Variants in CCDC77 observed in about 807,000 individuals in gnomAD.
CCDC77 encodes coiled-coil domain-containing protein 77.
Under a neutral mutation model 66.8 loss-of-function variants are expected in CCDC77, and 56 were observed. That is an observed-to-expected ratio of 0.84 (90% confidence interval 0.68 to 1.05). The LOEUF is 1.05. CCDC77 is among the 50% of genes least tolerant of loss of function. The pLI is 0.00. For synonymous variants in CCDC77, 196 were observed against 195.2 expected (o/e 1.00, Z -0.03); for missense variants, 570 against 576.8 (o/e 0.99, Z 0.12).
At chr12:410,392 C>T (rs1233323937) in intron 3 of CCDC77, among the ~76,000 whole-genome samples, 3 of 149,138 alleles carry the variant, frequency 2.0e-5, no homozygotes, top group Admixed American at 6.7e-5. Flanking sequence ...CTCAGCCTCC[C>T]GAGTAGCTGG....
intron 10 of CCDC77, among the ~76,000 whole-genome samples, chr12:439,268 C>T (rs1226180887): frequency 6.6e-6 from 1 of 151,950 alleles, no homozygotes; most frequent in Admixed American, 6.6e-5. Flanking sequence ...ACCTGTAATC[C>T]CAGCACTTTG....
chr12:394,078 T>C (rs915911034), intron 1 of CCDC77, among the ~76,000 whole-genome samples: 37 of 152,180 alleles, frequency 2.4e-4, no homozygotes, highest in Admixed American at 9.2e-4. Flanking sequence ...AGCTCAAATT[T>C]TATTATTGCC....
upstream of CCDC77, among the ~76,000 whole-genome samples, chr12:398,125 T>C (rs200058754): frequency 6.6e-6 from 1 of 152,208 alleles, no homozygotes; most frequent in East Asian, 1.9e-4. Flanking sequence ...GTTTTCATTC[T>C]TCCTTTCATG....
At chr12:409,032 T>C (rs1291909592) in intron 2 of CCDC77, among the ~76,000 whole-genome samples, 1 of 151,886 alleles carries the variant, frequency 6.6e-6, no homozygotes, top group East Asian at 1.9e-4. Context: ...GGTGAAACCC[T>C]GTCTCTACTA....
At chr12:435,451 C>A (rs1385713618) in intron 9 of CCDC77, among the ~76,000 whole-genome samples, 1 of 152,200 alleles carries the variant, frequency 6.6e-6, no homozygotes, top group Non-Finnish European at 1.5e-5. Context: ...TTTCTTATTC[C>A]TTAATTCCAA....
intron 1 of CCDC77, among the ~76,000 whole-genome samples, chr12:395,894 A>AAAAT (rs1424324209): frequency 6.6e-6 from 1 of 151,616 alleles, no homozygotes; most frequent in Non-Finnish European, 1.5e-5. Context: ...ACTCTGTCTC[A>AAAAT]AAATAAATAA....
intron 10 of CCDC77, among the ~76,000 whole-genome samples, chr12:438,912 C>CAA (rs746794691): frequency 0.019 from 2,024 of 106,398 alleles, 51 homozygotes; most frequent in African/African-American, 0.056. Flanking sequence ...ACTAAAAATA[C>CAA]AAAAAAAAAA....
chr12:390,268 A>C (rs529078569), intron 1 of CCDC77: 2 of 152,196 alleles, frequency 1.3e-5, no homozygotes, highest in Non-Finnish European at 2.9e-5. Context: ...CTCCTCTCAA[A>C]TCCCTCTCCA....
chr12:437,674 A>G (rs1860361), intron 9 of CCDC77, among the ~76,000 whole-genome samples: 78,754 of 151,282 alleles, frequency 0.52, 20,795 homozygotes, highest in African/African-American at 0.62. Context: ...GCAAGACCCC[A>G]TCTCCACACA....
intron 9 of CCDC77, chr12:436,896 A>T: frequency 3.9e-6 from 1 of 259,514 alleles, no homozygotes; most frequent in Non-Finnish European, 6.0e-6. Context: ...TTGAGAAGAT[A>T]ATGTAAGACA....
At chr12:402,458 T>A (rs1009973624) in intron 1 of CCDC77, among the ~76,000 whole-genome samples, 2 of 152,190 alleles carry the variant, frequency 1.3e-5, no homozygotes, top group Non-Finnish European at 2.9e-5. Context: ...AGACTAGATT[T>A]TGTTAAGTGA....
intron 4 of CCDC77, among the ~76,000 whole-genome samples, chr12:413,262 C>T (rs893125862): frequency 1.5e-5 from 2 of 130,634 alleles, no homozygotes; most frequent in African/African-American, 2.9e-5. Flanking sequence ...TTTGAGACAG[C>T]GTCTTACTCT....
chr12:400,518 C>A (rs1191549054), upstream of CCDC77, among the ~76,000 whole-genome samples: 1 of 152,086 alleles, frequency 6.6e-6, no homozygotes, highest in Non-Finnish European at 1.5e-5. Context: ...TTCACTTGAA[C>A]CCCCACTGTA....
In CCDC77 at chr12:440,734, A is replaced by C; in HGVS notation, c.1159A>C (p.Ile387Leu). Reference protein sequence around the residue: ...IREEEGMRREIFKDRTNKMGK... With the variant: ...IREEEGMRRELFKDRTNKMGK... ...TGAGGAAGAGGGAATGAGGAGAGAG[A>C]TCTTCAAGGTACGAAATTATCTGCC... Residue 387 changes from isoleucine (I) to leucine (L), a missense_variant, in exon 11 of 13, where the codon ATC (isoleucine) becomes CTC (leucine). By Grantham distance (5) the Ile-to-Leu change is conservative (BLOSUM62 2). Transcript: ENST00000239830. 1 of 1,614,076 alleles carries C rather than the reference A, an allele frequency of 6.2e-7. No homozygotes were observed. The highest frequency in any genetic ancestry group is 1.1e-5 in the South Asian group (1 of 91,088).
At position 415,405 on chromosome 12, in the gene CCDC77, AAT is replaced by A. The variant is rs1377095823; in HGVS notation, c.271-3086_271-3085del. Reference sequence around the variant, plus strand: ...AATATTATGTTAATATAATCAACATAATATGTTGATATTATTAACATAATTAA... The same window carrying A: ...AATATTATGTTAATATAATCAACATAATGTTGATATTATTAACATAATTAA... On this transcript the variant is annotated intron_variant, in intron 4 of 12. Transcript: ENST00000239830. Among the ~76,000 whole-genome samples the A allele has an allele frequency of 1.6e-4, 12 of 73,048 alleles. 4 individuals are homozygous for A. Among genetic ancestry groups the A allele is most frequent in the Admixed American group, 9.5e-4 (7 of 7,362 alleles). The allele number at this position is 73,048 out of a possible 152,430, so 47.9% of individuals were successfully genotyped here.
intron 5 of CCDC77, among the ~76,000 whole-genome samples, chr12:426,774 C>T (rs1042691863): frequency 6.6e-6 from 1 of 152,152 alleles, no homozygotes; most frequent in Non-Finnish European, 1.5e-5. Flanking sequence ...TCGGTGTCAG[C>T]TTAGACCCTG....
intron 3 of CCDC77, among the ~76,000 whole-genome samples, chr12:410,052 A>C (rs953934838): frequency 6.6e-6 from 1 of 151,802 alleles, no homozygotes; most frequent in Non-Finnish European, 1.5e-5. Context: ...ACAAGTTTTT[A>C]ATCACTGGGA....
Position 438,503 on chromosome 12 carries a change from A to G in CCDC77, c.990A>G (p.Lys330=). 1 of 1,614,094 alleles carries G rather than the reference A, an allele frequency of 6.2e-7. No homozygotes were observed. The highest frequency in any genetic ancestry group is 2.2e-5 in the East Asian group (1 of 44,874). Residue 330 remains lysine, a synonymous_variant, in exon 10 of 13, where the codon AAA becomes AAG. Coordinates refer to ENST00000239830, the MANE Select transcript of CCDC77 (RefSeq NM_032358.4). ...AGAAGAAAGAAGATAAAATTGGAAAAGTGTTGCCCGTTATGCATGAGAGTC... is the reference window on the plus strand; with the variant it reads ...AGAAGAAAGAAGATAAAATTGGAAAGGTGTTGCCCGTTATGCATGAGAGTC... ...QCKKKEDKIG[K]VLPVMHESHH... is the part of the protein sequence containing the mutation.
upstream of CCDC77, among the ~76,000 whole-genome samples, chr12:396,796 G>A (rs371464925): frequency 1.1e-4 from 16 of 152,224 alleles, no homozygotes; most frequent in Admixed American, 5.2e-4. Flanking sequence ...TCTTCTAATA[G>A]AGACAAATGG....
Sources: gnomAD v4.1 joint callset for allele counts (sites outside exome capture counted in the v4.1 genomes callset) on GRCh38, gnomAD v4.1.1 for gene constraint, MANE v1.5 for transcripts, NCBI Gene and HGNC (gene_info 2026-07-23, HGNC 2026-07-21) for gene names.